Variants in PRDM5 observed in about 807,000 individuals in gnomAD.
PRDM5 encodes the protein PR domain zinc finger protein 5.
PRDM5 carries 56 observed loss-of-function variants against 81.2 expected under a neutral mutation model. The observed-to-expected ratio is 0.69, with a 90% CI of 0.56 to 0.86. The LOEUF (loss-of-function observed/expected upper bound fraction) is 0.86. Among genes scored for constraint, PRDM5 ranks in the 40% least tolerant of loss-of-function variants. The probability of loss-of-function intolerance (pLI) is 0.00; values close to 1 mark genes in which losing one functional copy is unlikely to be tolerated. For missense variants in PRDM5, 697 were observed against 770.1 expected, an observed-to-expected ratio of 0.91 and a Z score of 1.12; for synonymous variants, 267 against 256.4, an observed-to-expected ratio of 1.04 and a Z score of -0.39.
At chr4:120,830,403 T>C (rs1043769725) in intron 3 of PRDM5, among the ~76,000 whole-genome samples, 3 of 152,028 alleles carry the variant, frequency 2.0e-5, no homozygotes, top group African/African-American at 7.2e-5. Flanking sequence ...CTGATAAGGG[T>C]TGTATCTTCA....
At chr4:120,721,661 A>G (rs765691624) in intron 14 of PRDM5, among the ~76,000 whole-genome samples, 1 of 152,208 alleles carries the variant, frequency 6.6e-6, no homozygotes, top group East Asian at 1.9e-4. Context: ...CAAATTTGCT[A>G]TGGTTATTCT....
chr4:120,763,471 C>T (rs1745932391), intron 13 of PRDM5, among the ~76,000 whole-genome samples: 2 of 152,094 alleles, frequency 1.3e-5, no homozygotes, highest in South Asian at 4.2e-4. Flanking sequence ...GATGTGAGTG[C>T]TGGCAAAAGC....
chr4:120,860,711 G>GA (rs1407683621), intron 2 of PRDM5, among the ~76,000 whole-genome samples: 1 of 151,620 alleles, frequency 6.6e-6, no homozygotes, highest in Non-Finnish European at 1.5e-5. Context: ...TTTTATGCAC[G>GA]AATGTTACAG....
intron 2 of PRDM5, among the ~76,000 whole-genome samples, chr4:120,882,854 C>T (rs1762995816): frequency 6.6e-6 from 1 of 152,114 alleles, no homozygotes; most frequent in African/African-American, 2.4e-5. Context: ...TCATACACAC[C>T]CTACAATACA....
chr4:120,920,500 C>T (rs1052967240), intron 1 of PRDM5, among the ~76,000 whole-genome samples: 1 of 152,184 alleles, frequency 6.6e-6, no homozygotes, highest in Admixed American at 6.5e-5. Flanking sequence ...GACTGTTTGC[C>T]TTCCATAAGC....
At chr4:120,696,138 T>C (rs1734492821) in intron 15 of PRDM5, among the ~76,000 whole-genome samples, 1 of 151,998 alleles carries the variant, frequency 6.6e-6, no homozygotes, top group Non-Finnish European at 1.5e-5. Context: ...TCAGAAAGGC[T>C]CAGGGCCCTA....
chr4:120,803,584 C>G lies in PRDM5; in HGVS notation c.946-3839G>C, dbSNP rs4833185. Among the ~76,000 whole-genome samples, 308 of 152,310 alleles carry G rather than the reference C, an allele frequency of 2.0e-3. 1 individual carries two copies. The highest frequency in any genetic ancestry group is 6.9e-3 in the African/African-American group (286 of 41,556). ...TTAAAGAAAAGAATTTTCAACCCAG[C>G]ATTTCATATCCAGCCAAACTAAGCT... On this transcript the variant is annotated intron_variant, in intron 8 of 15. Coordinates refer to ENST00000264808, the MANE Select transcript of PRDM5 (RefSeq NM_018699.4).
Position 120,774,672 on chromosome 4 carries a change from C to A in PRDM5, c.1537+2516G>T, listed in dbSNP as rs145481168. 3.8e-3 allele frequency among the ~76,000 whole-genome samples: 572 copies of A among 152,232 alleles called. 6 individuals are homozygous for A. Among genetic ancestry groups the A allele is most frequent in the African/African-American group, 0.013 (520 of 41,558 alleles). On this transcript the variant is annotated intron_variant, in intron 13 of 15. Transcript: ENST00000264808. ...CCAACCACTTCCAACACAACCCCAG[C>A]CACACTGCTAGACAGTGGTCACTGA...
downstream of PRDM5, among the ~76,000 whole-genome samples, chr4:120,687,789 T>G (rs1430559659): frequency 1.3e-5 from 2 of 152,144 alleles, no homozygotes; most frequent in African/African-American, 4.8e-5. Flanking sequence ...AGTTTCCTTA[T>G]AAAAGGATGA....
chr4:120,847,794 T>C (rs1055456886), intron 3 of PRDM5, among the ~76,000 whole-genome samples: 1 of 151,986 alleles, frequency 6.6e-6, no homozygotes, highest in African/African-American at 2.4e-5. Context: ...TGACAGAACC[T>C]TCATATTAGT....
intron 10 of PRDM5, 72 bp from the exon 11 acceptor site, chr4:120,785,163 G>C (rs1749597233): frequency 2.7e-5 from 31 of 1,154,314 alleles, no homozygotes; most frequent in Non-Finnish European, 4.0e-5. Flanking sequence ...GTGGAGCTTG[G>C]ATTCATGATG....
At position 120,699,199 on chromosome 4, in the gene PRDM5, TATATA is replaced by T. The variant is rs1560890243; in HGVS notation, c.1729-3929_1729-3925del. Among the ~76,000 whole-genome samples, 220 of 71,264 alleles carry T rather than the reference TATATA, an allele frequency of 3.1e-3. 2 individuals are homozygous for T. The highest frequency in any genetic ancestry group is 0.017 in the East Asian group (11 of 642). 46.8% of individuals were successfully genotyped at this position (71,264 alleles called of 152,430 possible). A position where few individuals can be genotyped will look rare whatever the true frequency, so the allele number is the denominator to read the frequency against. On this transcript the variant is annotated intron_variant, in intron 15 of 15. Coordinates refer to ENST00000264808, the MANE Select transcript of PRDM5 (RefSeq NM_018699.4). ...ATATATATATATATATATATATATA[TATATA>T]TTTCAGATGTCTCCTTAATAATTTC...
At chr4:120,887,099 C>T (rs1170849816) in intron 2 of PRDM5, among the ~76,000 whole-genome samples, 2 of 152,142 alleles carry the variant, frequency 1.3e-5, no homozygotes, top group Non-Finnish European at 2.9e-5. Context: ...GCGCCCGCCA[C>T]CACGCCTGGC....
chr4:120,909,878 A>G (rs1766296052), intron 1 of PRDM5, among the ~76,000 whole-genome samples: 1 of 152,136 alleles, frequency 6.6e-6, no homozygotes, highest in South Asian at 2.1e-4. Flanking sequence ...ATTATAATAA[A>G]TAGTGGTTTT....
intron 13 of PRDM5, among the ~76,000 whole-genome samples, chr4:120,770,481 T>C (rs1161214322): frequency 6.8e-6 from 1 of 147,610 alleles, no homozygotes; most frequent in Non-Finnish European, 1.5e-5. Context: ...TTTTTTTTAA[T>C]GGGAGAAAAG....
intron 2 of PRDM5, among the ~76,000 whole-genome samples, 163 bp from the exon 3 acceptor site, chr4:120,853,703 A>G (rs890043827): frequency 6.6e-6 from 1 of 152,224 alleles, no homozygotes; most frequent in African/African-American, 2.4e-5. Flanking sequence ...AAACACATGT[A>G]GAAATACAGC....
At chr4:120,855,320 A>G (rs1346988270) in intron 2 of PRDM5, among the ~76,000 whole-genome samples, 1 of 152,186 alleles carries the variant, frequency 6.6e-6, no homozygotes, top group East Asian at 1.9e-4. Flanking sequence ...GTAATTTCTA[A>G]AAGAGCAATT....
intron 3 of PRDM5, chr4:120,839,394 T>C: frequency 1.5e-6 from 1 of 670,826 alleles, no homozygotes; most frequent in Admixed American, 2.1e-5. Context: ...ACAGGCAGGG[T>C]ATACCAATGA....
chr4:120,734,251 G>T (rs571587025), intron 14 of PRDM5, among the ~76,000 whole-genome samples: 45 of 151,556 alleles, frequency 3.0e-4, no homozygotes, highest in Non-Finnish European at 4.7e-4. Flanking sequence ...GGCTTTGTTT[G>T]TTTGTTTTTT....
Sources: allele counts gnomAD v4.1 joint callset (sites outside exome capture counted in the v4.1 genomes callset), GRCh38; gene constraint gnomAD v4.1.1; transcripts MANE v1.5; gene names NCBI Gene and HGNC (gene_info 2026-07-23, HGNC 2026-07-21).